ADGRG7: variants seen among roughly 807,000 people sequenced by gnomAD.
ADGRG7 encodes the protein G-protein coupled receptor 128.
In ADGRG7, 82 loss-of-function variants were observed where a neutral mutation model predicts 88.6. That is an observed-to-expected ratio of 0.93 (90% CI 0.77 to 1.11). The LOEUF is 1.11. Among genes scored for constraint, ADGRG7 ranks in the 50% most tolerant of loss-of-function variants. ADGRG7 has a pLI of 0.00. For synonymous variants in ADGRG7, 381 were observed against 345.2 expected (o/e 1.10, Z -1.15); for missense variants, 945 against 953.4 (o/e 0.99, Z 0.12).
In ADGRG7 at chr3:100,694,991, A is replaced by C. The variant is rs2094999992; in HGVS notation, c.2384A>C (p.Glu795Ala). The change falls in exon 16 of 16, where the codon GAA (glutamate) becomes GCA (alanine). Residue 795 changes from glutamate (E) to alanine (A), a missense_variant. Glu to Ala is a moderately radical substitution (Grantham distance 107, BLOSUM62 -1). Transcript: ENST00000273352. ...ITLSESDNAK[E>A]SI is the part of the protein sequence containing the mutation. ...CTCTCTGAAAGTGACAATGCAAAGG[A>C]AAGCATCTAGACAGTAAAACTTACC... The C allele has an allele frequency of 6.2e-7, 1 of 1,614,112 alleles. No individual in the cohort carries two copies. Among genetic ancestry groups the C allele is most frequent in the African/African-American group, 1.3e-5 (1 of 75,054 alleles).
chr3:100,666,052 C>G (rs1253561063), intron 14 of ADGRG7, among the ~76,000 whole-genome samples: 2 of 150,934 alleles, frequency 1.3e-5, no homozygotes, highest in African/African-American at 2.4e-5. Context: ...AAGGATGACT[C>G]ACTTTTTTTT....
rs752030472 is a variant in ADGRG7 at position 100,645,952 on chromosome 3, C to A, written c.954C>A (p.Thr318=). The change falls in exon 9 of 16, where the codon ACC becomes ACA. Residue 318 remains threonine, a synonymous_variant. Coordinates refer to ENST00000273352, the MANE Select transcript of ADGRG7 (RefSeq NM_032787.3). ...QVLLNMTKNY[T]KTCGFVVYQN... ...GTCTTTTTCTCCCTATAGATTACAC[C>A]AAGACATGCGGCTTTGTAGTTTATC... 5.6e-6 allele frequency: 9 copies of A among 1,613,032 alleles called. No homozygotes were observed. The African/African-American group carries it at 1.2e-4, about 22-fold the overall frequency.
At chr3:100,666,801 C>T (rs565611119) in intron 14 of ADGRG7, among the ~76,000 whole-genome samples, 1 of 152,132 alleles carries the variant, frequency 6.6e-6, no homozygotes, top group African/African-American at 2.4e-5. Context: ...GGCAGAGGTC[C>T]CTGAGTGTTT....
intron 1 of ADGRG7, among the ~76,000 whole-genome samples, chr3:100,618,360 T>A (rs1291052632): frequency 6.6e-6 from 1 of 152,256 alleles, no homozygotes; most frequent in African/African-American, 2.4e-5. Flanking sequence ...GTCTAACATT[T>A]AAGTATTTAA....
intron 14 of ADGRG7, among the ~76,000 whole-genome samples, chr3:100,661,363 C>T (rs1391606560): frequency 6.6e-6 from 1 of 152,170 alleles, no homozygotes; most frequent in Non-Finnish European, 1.5e-5. Flanking sequence ...CTTAGTAATA[C>T]CAGATGAGTA....
chr3:100,626,163 C>T (rs905978106), intron 1 of ADGRG7, among the ~76,000 whole-genome samples: 4 of 152,090 alleles, frequency 2.6e-5, no homozygotes, highest in African/African-American at 9.7e-5. Context: ...GGTTGGTAGG[C>T]TAGTAATTAC....
intron 1 of ADGRG7, among the ~76,000 whole-genome samples, chr3:100,611,244 T>TTTCCTTCCTTCCTTCC (rs753816226): frequency 3.1e-5 from 2 of 64,886 alleles, no homozygotes; most frequent in African/African-American, 6.6e-5. Context: ...TTTGTTTGTT[T>TTTCCTTCCTTCCTTCC]TTCCTTCCTT....
intron 15 of ADGRG7, among the ~76,000 whole-genome samples, chr3:100,682,231 G>C (rs934488704): frequency 1.2e-4 from 18 of 152,156 alleles, no homozygotes; most frequent in African/African-American, 4.3e-4. Flanking sequence ...TCACCGGAGG[G>C]AGAGCAGTGC....
At chr3:100,652,168 T>C (rs913349382) in intron 11 of ADGRG7, among the ~76,000 whole-genome samples, 1 of 152,132 alleles carries the variant, frequency 6.6e-6, no homozygotes, top group African/African-American at 2.4e-5. Context: ...TTTGCAGTTC[T>C]GGTCATTAAA....
chr3:100,666,900 C>T (rs900276578), intron 14 of ADGRG7, among the ~76,000 whole-genome samples: 13 of 152,278 alleles, frequency 8.5e-5, no homozygotes, highest in African/African-American at 1.7e-4. Flanking sequence ...GCACATCTTG[C>T]GCAACCCTTA....
chr3:100,686,515 C>T (rs1210697354), intron 15 of ADGRG7, among the ~76,000 whole-genome samples: 1 of 152,176 alleles, frequency 6.6e-6, no homozygotes, highest in Non-Finnish European at 1.5e-5. Context: ...TTAGGTCTAA[C>T]ATTTAAGTAT....
intron 15 of ADGRG7, among the ~76,000 whole-genome samples, chr3:100,671,554 G>A (rs2094958686): frequency 6.6e-6 from 1 of 152,164 alleles, no homozygotes; most frequent in Non-Finnish European, 1.5e-5. Flanking sequence ...AAGCTCTTTA[G>A]TTTAATTAGA....
chr3:100,686,226 G>GT (rs969688269), intron 15 of ADGRG7, among the ~76,000 whole-genome samples: 7 of 151,790 alleles, frequency 4.6e-5, no homozygotes, highest in Non-Finnish European at 7.4e-5. Flanking sequence ...GGGGTTGTTT[G>GT]TTTTTTTCTT....
intron 14 of ADGRG7, chr3:100,665,524 T>C: frequency 2.2e-6 from 1 of 457,392 alleles, no homozygotes; most frequent in Admixed American, 2.5e-5. Context: ...GGCACCTTTT[T>C]CTAGTGGGAC....
In ADGRG7 at chr3:100,637,711, C is replaced by A. The variant is rs547136371; in HGVS notation, c.698+309C>A. The A allele has an allele frequency of 4.5e-5, 13 of 291,418 alleles. No individual in the cohort carries two copies. In the Admixed American group the frequency reaches 5.3e-4, roughly 12 times the overall value. The allele number at this position is 291,418 out of a possible 1,614,324, so 18.1% of individuals were successfully genotyped here. On this transcript the variant is annotated intron_variant, in intron 6 of 15. Transcript: ENST00000273352. ...ACCAAGGGACAACTTCCATGCACAGCAAGACCTCTTCCAAATTCTTTTGCA... is the reference window on the plus strand; with the variant it reads ...ACCAAGGGACAACTTCCATGCACAGAAAGACCTCTTCCAAATTCTTTTGCA...
intron 1 of ADGRG7, among the ~76,000 whole-genome samples, chr3:100,616,040 C>T (rs368741208): frequency 1.3e-5 from 2 of 152,276 alleles, no homozygotes; most frequent in African/African-American, 4.8e-5. Flanking sequence ...ATTGAAACCC[C>T]AGGCTTTACA....
In ADGRG7 at chr3:100,635,699, TTAA is replaced by T; in HGVS notation, c.474_476del (p.Asn159del). ...CAGGTAAAGGATGTCACAGCACCAC[TTAA>T]TAACATTTCTTCTGAAGTCCAGATT... On this transcript the variant is annotated inframe_deletion, in exon 5 of 16. Transcript: ENST00000273352. The T allele has an allele frequency of 1.9e-6, 3 of 1,614,006 alleles. No homozygotes were observed. The highest frequency in any genetic ancestry group is 2.5e-6 in the Non-Finnish European group (3 of 1,179,944).
intron 14 of ADGRG7, among the ~76,000 whole-genome samples, chr3:100,667,379 A>G (rs988817679): frequency 1.3e-5 from 2 of 151,974 alleles, no homozygotes; most frequent in African/African-American, 4.8e-5. Flanking sequence ...CCCTGTGTCC[A>G]TGTGCTCTCA....
rs535405453 is a variant in ADGRG7 at position 100,612,221 on chromosome 3, A to G, written c.115+2250A>G. ...TAATGGCCTCATTGTGAAAAATAAA[A>G]AAAAATTTCAAATTCTGCTCTGAGT... On this transcript the variant is annotated intron_variant, in intron 1 of 15. Coordinates refer to ENST00000273352, the MANE Select transcript of ADGRG7 (RefSeq NM_032787.3). Among the ~76,000 whole-genome samples, 8 of 152,306 alleles carry G rather than the reference A, an allele frequency of 5.3e-5. No homozygotes were observed. In the South Asian group the frequency reaches 1.7e-3, roughly 32 times the overall value.
Sources: allele counts gnomAD v4.1 joint callset (sites outside exome capture counted in the v4.1 genomes callset), GRCh38; gene constraint gnomAD v4.1.1; transcripts MANE v1.5; gene names NCBI Gene and HGNC (gene_info 2026-07-23, HGNC 2026-07-21).